The following TMEM181 variants were observed in gnomAD, a reference collection of about 807,000 sequenced individuals.
TMEM181 encodes G protein-coupled receptor 178.
TMEM181 carries 39 observed loss-of-function variants against 71.9 expected under a neutral mutation model. The observed-to-expected ratio is 0.54, with a 90% CI of 0.42 to 0.71. The LOEUF (loss-of-function observed/expected upper bound fraction) is 0.71, where lower values mean the gene tolerates loss of function less well. Among genes scored for constraint, TMEM181 ranks in the 30% least tolerant of loss-of-function variants. The pLI is 0.00. For missense variants in TMEM181, 595 were observed against 583.0 expected, an observed-to-expected ratio of 1.02 and a Z score of -0.21; for synonymous variants, 245 against 228.8, an observed-to-expected ratio of 1.07 and a Z score of -0.64.
At chr6:158,568,494 G>T (rs1406588750) in intron 1 of TMEM181, among the ~76,000 whole-genome samples, 1 of 152,130 alleles carries the variant, frequency 6.6e-6, no homozygotes, top group Non-Finnish European at 1.5e-5. Context: ...GAGATGAGGA[G>T]AGGGAAGGCC....
chr6:158,562,847 C>T (rs564859300), intron 1 of TMEM181, among the ~76,000 whole-genome samples: 12 of 152,180 alleles, frequency 7.9e-5, no homozygotes, highest in Admixed American at 1.3e-4. Flanking sequence ...TCCATTGTTT[C>T]GTGGAATCCT....
At chr6:158,566,770 G>A (rs1377901946) in intron 1 of TMEM181, among the ~76,000 whole-genome samples, 1 of 151,604 alleles carries the variant, frequency 6.6e-6, no homozygotes, top group Non-Finnish European at 1.5e-5. Flanking sequence ...GGGAGGTGAT[G>A]ATGAGGCTGT....
upstream of TMEM181, among the ~76,000 whole-genome samples, chr6:158,558,136 A>G (rs540617589): frequency 1.1e-4 from 16 of 152,286 alleles, no homozygotes; most frequent in Non-Finnish European, 1.5e-5. Flanking sequence ...AAATGCACAC[A>G]GTGAGGGCCA....
chr6:158,538,454 C>CTTTTTTTT (rs111437459), intron 1 of TMEM181, among the ~76,000 whole-genome samples: 6 of 143,936 alleles, frequency 4.2e-5, no homozygotes, highest in Non-Finnish European at 3.0e-5. Flanking sequence ...CATGCCTGGC[C>CTTTTTTTT]TTTTTTTTTT....
intron 4 of TMEM181, among the ~76,000 whole-genome samples, chr6:158,584,545 A>C (rs190130179): frequency 3.3e-4 from 50 of 152,290 alleles, no homozygotes; most frequent in African/African-American, 1.1e-3. Context: ...CCCTCCCCTA[A>C]TGCATCCATT....
At chr6:158,570,948 C>G (rs537033340) in intron 1 of TMEM181, among the ~76,000 whole-genome samples, 1 of 151,086 alleles carries the variant, frequency 6.6e-6, no homozygotes, top group Non-Finnish European at 1.5e-5. Flanking sequence ...GAGTCTCGCT[C>G]TGTCACCTGG....
intron 6 of TMEM181, among the ~76,000 whole-genome samples, chr6:158,601,888 G>A (rs1784690627): frequency 6.6e-6 from 1 of 152,310 alleles, no homozygotes; most frequent in Non-Finnish European, 1.5e-5. Flanking sequence ...ATTAATGGCA[G>A]GAGCTGGAAT....
chr6:158,584,148 A>T (rs1166608706), intron 4 of TMEM181, 104 bp downstream of exon 4: 3 of 847,550 alleles, frequency 3.5e-6, no homozygotes, highest in Non-Finnish European at 5.4e-6. Context: ...TCAAAGATAG[A>T]TGTATAAGGA....
chr6:158,594,251 A>C (rs958237662), intron 6 of TMEM181, among the ~76,000 whole-genome samples: 1 of 151,856 alleles, frequency 6.6e-6, no homozygotes, highest in African/African-American at 2.4e-5. Flanking sequence ...GGTGCGCACC[A>C]CTATGCGTGG....
intron 1 of TMEM181, among the ~76,000 whole-genome samples, chr6:158,551,772 T>A (rs1305292228): frequency 1.3e-5 from 2 of 152,212 alleles, no homozygotes; most frequent in African/African-American, 4.8e-5. Context: ...GAAACATTTG[T>A]ATTGATAACA....
At chr6:158,546,101 T>G (rs1200487823) in intron 1 of TMEM181, among the ~76,000 whole-genome samples, 2 of 152,168 alleles carry the variant, frequency 1.3e-5, no homozygotes, top group Non-Finnish European at 2.9e-5. Flanking sequence ...GCCCCCAGTT[T>G]AGGATTCAGG....
chr6:158,566,536 T>G (rs1457996318), intron 1 of TMEM181, among the ~76,000 whole-genome samples: 6 of 61,686 alleles, frequency 9.7e-5, no homozygotes, highest in Admixed American at 6.1e-4. Context: ...TTGAGGGAGG[T>G]GATGGGGTGG....
chr6:158,628,625 C>A, intron 14 of TMEM181, 135 bp downstream of exon 14: 2 of 714,002 alleles, frequency 2.8e-6, no homozygotes, highest in Non-Finnish European at 4.7e-6. Context: ...CTCGTCTCTG[C>A]TGAGAGGTGT....
At chr6:158,562,515 A>G (rs1444542630) in intron 1 of TMEM181, among the ~76,000 whole-genome samples, 2 of 149,258 alleles carry the variant, frequency 1.3e-5, no homozygotes, top group African/African-American at 2.5e-5. Context: ...TGTGTATTTT[A>G]TGTGTCTTTT....
intron 1 of TMEM181, among the ~76,000 whole-genome samples, chr6:158,569,315 TGAA>T (rs1402224296): frequency 6.6e-6 from 1 of 152,158 alleles, no homozygotes; most frequent in Admixed American, 6.5e-5. Context: ...GTCAGGAAAA[TGAA>T]GACAGCGGAA....
chr6:158,587,725 A>G (rs551671876), intron 5 of TMEM181, among the ~76,000 whole-genome samples: 19 of 151,328 alleles, frequency 1.3e-4, no homozygotes, highest in Non-Finnish European at 2.5e-4. Flanking sequence ...CTGAGGTACC[A>G]TCACGTGATT....
chr6:158,573,289 C>A, intron 1 of TMEM181, 131 bp from the exon 2 acceptor site: 1 of 653,550 alleles, frequency 1.5e-6, no homozygotes, highest in Middle Eastern at 4.2e-4. Context: ...AGTGCAGGCC[C>A]ACTTCAGAAG....
chr6:158,536,902 G>C (rs752173338), intron 1 of TMEM181: 1 of 1,304,668 alleles, frequency 7.7e-7, no homozygotes, highest in African/African-American at 1.5e-5. Context: ...GCGGCCGGAG[G>C]CTTCCGGGCC....
intron 6 of TMEM181, among the ~76,000 whole-genome samples, chr6:158,597,889 A>G (rs1001983367): frequency 2.0e-5 from 3 of 152,172 alleles, no homozygotes; most frequent in Admixed American, 2.0e-4. Context: ...TCTCCACCTC[A>G]CAATACCACC....
Sources: gnomAD v4.1 joint callset for allele counts (sites outside exome capture counted in the v4.1 genomes callset) on GRCh38, gnomAD v4.1.1 for gene constraint, MANE v1.5 for transcripts, NCBI Gene and HGNC (gene_info 2026-07-23, HGNC 2026-07-21) for gene names.